The following MANSC1 variants were observed in gnomAD, a reference collection of about 807,000 sequenced individuals.
MANSC1 encodes MANSC domain-containing protein 1.
Under a neutral mutation model 14.1 loss-of-function variants are expected in MANSC1, and 13 were observed. That is an observed-to-expected ratio of 0.92 (90% confidence interval 0.60 to 1.46). MANSC1 has a LOEUF of 1.46. Ranked by LOEUF, MANSC1 falls within the 40% of genes most tolerant of loss-of-function variation. The pLI is 0.00. For missense variants in MANSC1, 486 were observed against 511.4 expected (o/e 0.95, Z 0.48); for synonymous variants, 227 against 200.7 (o/e 1.13, Z -1.11).
In MANSC1 at chr12:12,335,967, G is replaced by A. The variant is rs117004767; in HGVS notation, c.364+2453C>T. Among the ~76,000 whole-genome samples the A allele has an allele frequency of 1.7e-3, 258 of 152,132 alleles. 8 individuals are homozygous for A. The East Asian group carries it at 0.042, about 25-fold the overall frequency. On this transcript the variant is annotated intron_variant, in intron 3 of 3. Coordinates refer to ENST00000535902, the MANE Select transcript of MANSC1 (RefSeq NM_018050.4). ...AGAGGCCGAGGTGGGTGGATTACCCGACATCAGGAGTTCGAGACCAGCCTG... is the reference window on the plus strand; with the variant it reads ...AGAGGCCGAGGTGGGTGGATTACCCAACATCAGGAGTTCGAGACCAGCCTG...
In MANSC1 at chr12:12,337,474, T is replaced by C. The variant is rs1212656422; in HGVS notation, c.364+946A>G. Among the ~76,000 whole-genome samples, 4 of 151,582 alleles carry C rather than the reference T, an allele frequency of 2.6e-5. No individual in the cohort carries two copies. The East Asian group carries it at 5.8e-4, about 22-fold the overall frequency. On this transcript the variant is annotated intron_variant, in intron 3 of 3. Transcript: ENST00000535902. ...TACTCAGGAGGCTGAGGCGGGAGAA[T>C]GGCCTGAACCCGGGAGGCGGAGCTT...
chr12:12,343,083 A>AGGATTG lies in MANSC1; in HGVS notation c.223+8_223+9insCAATCC. The AGGATTG allele has an allele frequency of 6.3e-7, 1 of 1,598,024 alleles. No individual in the cohort carries two copies. The highest frequency in any genetic ancestry group is 1.1e-5 in the South Asian group (1 of 90,688). ...TGGAACAAAGGATTGCCAAGAAACC[A>AGGATTG]CTATTTACCTGATATGTTTTTTGTT... is the stretch of plus-strand genomic sequence containing the variant. On this transcript the variant is annotated intron_variant, in intron 2 of 3. Transcript: ENST00000535902.
chr12:12,349,368 A>G (rs1250048575), intron 1 of MANSC1, among the ~76,000 whole-genome samples: 1 of 152,240 alleles, frequency 6.6e-6, no homozygotes, highest in African/African-American at 2.4e-5. Flanking sequence ...AAGAAACCTG[A>G]ACTATGTAAG....
chr12:12,338,607 A>C, intron 2 of MANSC1, 47 bp from the exon 3 acceptor site: 2 of 1,595,822 alleles, frequency 1.3e-6, no homozygotes, highest in South Asian at 2.3e-5. Flanking sequence ...GCGATTTTCT[A>C]AAGAGTAGGG....
intron 2 of MANSC1, among the ~76,000 whole-genome samples, chr12:12,340,105 C>T (rs1862915255): frequency 6.6e-6 from 1 of 152,160 alleles, no homozygotes; most frequent in African/African-American, 2.4e-5. Context: ...AGCTAATGCA[C>T]CCAGCTGCTG....
intron 2 of MANSC1, among the ~76,000 whole-genome samples, chr12:12,342,584 GT>G (rs760560592): frequency 2.6e-4 from 11 of 41,796 alleles, no homozygotes; most frequent in East Asian, 1.6e-3. Context: ...GTGTTTTTTT[GT>G]TTTTTTTTTT....
At position 12,330,664 on chromosome 12, in the gene MANSC1, G is replaced by A; in HGVS notation, c.659C>T (p.Pro220Leu). The A allele has an allele frequency of 6.2e-7, 1 of 1,614,222 alleles. No homozygotes were observed. Among genetic ancestry groups the A allele is most frequent in the Non-Finnish European group, 8.5e-7 (1 of 1,180,032 alleles). ...AGCTGGGAGCGCACTCACATTTTCA[G>A]GCAGCAGATGAGCTATTTCTTGATC... Reference protein sequence around the residue: ...SSDQEIAHLLPENVSALPATV... With the variant: ...SSDQEIAHLLLENVSALPATV... Residue 220 changes from proline (P) to leucine (L), a missense_variant, in exon 4 of 4, where the codon CCT (proline) becomes CTT (leucine). By Grantham distance (98) the Pro-to-Leu change is moderately conservative (BLOSUM62 -3). Coordinates refer to ENST00000535902, the MANE Select transcript of MANSC1 (RefSeq NM_018050.4).
chr12:12,343,854 G>A (rs1277121140), intron 1 of MANSC1, among the ~76,000 whole-genome samples: 1 of 152,186 alleles, frequency 6.6e-6, no homozygotes, highest in Admixed American at 6.5e-5. Flanking sequence ...GCTCATGCCT[G>A]TAATCTCAGC....
Position 12,338,550 on chromosome 12 carries a change from T to C in MANSC1, c.234A>G (p.Ala78=), listed in dbSNP as rs775450052. The change falls in exon 3 of 4, where the codon GCA becomes GCG. Residue 78 remains alanine, a synonymous_variant. Transcript: ENST00000535902. ...GAGTGTCGAAGATCATCAAGTTACATGCTTTGTCCCCTGCAATGAAAGGTT... is the reference window on the plus strand; with the variant it reads ...GAGTGTCGAAGATCATCAAGTTACACGCTTTGTCCCCTGCAATGAAAGGTT... The part of the protein sequence containing the change: ...CSTKNISGDK[A]CNLMIFDTRK... 6.2e-7 allele frequency: 1 copy of C among 1,611,802 alleles called. No homozygotes were observed. Among genetic ancestry groups the C allele is most frequent in the Non-Finnish European group, 8.5e-7 (1 of 1,179,528 alleles).
chr12:12,338,831 C>A (rs998989879), intron 2 of MANSC1: 8 of 472,772 alleles, frequency 1.7e-5, no homozygotes, highest in Non-Finnish European at 3.1e-5. Context: ...AAAGCCAAAG[C>A]AAAGTCTTTA....
rs1862781537 is a variant in MANSC1 at position 12,330,899 on chromosome 12, A to G, written c.424T>C (p.Leu142=). 1 of 1,611,606 alleles carries G rather than the reference A, an allele frequency of 6.2e-7. No individual in the cohort carries two copies. Among genetic ancestry groups the G allele is most frequent in the Non-Finnish European group, 8.5e-7 (1 of 1,179,206 alleles). The part of the protein sequence containing the change: ...SQELPQEDSL[L]HGQFSQAVTP... ...ACTGCTTGTGAAAATTGGCCATGTA[A>G]GAGAGAATCTTCCTGGGGTAACTCT... is the stretch of plus-strand genomic sequence containing the variant. Residue 142 remains leucine (L), a synonymous_variant, in exon 4 of 4, where the codon TTA becomes CTA. Transcript: ENST00000535902.
intron 2 of MANSC1, among the ~76,000 whole-genome samples, chr12:12,340,106 C>A (rs1862915323): frequency 6.6e-6 from 1 of 152,138 alleles, no homozygotes; most frequent in Non-Finnish European, 1.5e-5. Context: ...GCTAATGCAC[C>A]CAGCTGCTGG....
At chr12:12,348,039 G>C (rs970175471) in intron 1 of MANSC1, 3 of 152,060 alleles carry the variant, frequency 2.0e-5, no homozygotes, top group African/African-American at 7.3e-5. Context: ...CTCCAGCCTG[G>C]GCAACAGAGT....
At chr12:12,331,557 C>G (rs2135988215) in intron 3 of MANSC1, among the ~76,000 whole-genome samples, 1 of 152,232 alleles carries the variant, frequency 6.6e-6, no homozygotes, top group African/African-American at 2.4e-5. Context: ...AGACATGCCA[C>G]CTAAGACTGA....
At chr12:12,347,896 TA>T (rs34822040) in intron 1 of MANSC1, among the ~76,000 whole-genome samples, 2 of 150,632 alleles carry the variant, frequency 1.3e-5, no homozygotes. Context: ...CCATCTCTAC[TA>T]AAAAAAAATA....
At position 12,326,552 on chromosome 12, in the gene MANSC1, G is replaced by A. The variant is rs1218011547; in HGVS notation, c.*3475C>T. ...CAGGCCAGGGGTAATTGAGAAACAG[G>A]CACATAACAGTATTCATCCAGGAGT... On this transcript the variant is annotated 3_prime_UTR_variant, in exon 4 of 4. Coordinates refer to ENST00000535902, the MANE Select transcript of MANSC1 (RefSeq NM_018050.4). The A allele has an allele frequency of 2.6e-5, 4 of 151,942 alleles. No individual in the cohort carries two copies. The highest frequency in any genetic ancestry group is 5.9e-5 in the Non-Finnish European group (4 of 68,014). The allele number at this position is 151,942 out of a possible 1,614,324, so 9.4% of individuals were successfully genotyped here. A position where few individuals can be genotyped will look rare whatever the true frequency, so the allele number is the denominator to read the frequency against.
intron 2 of MANSC1, among the ~76,000 whole-genome samples, chr12:12,340,932 A>C (rs1399476592): frequency 6.6e-6 from 1 of 152,168 alleles, no homozygotes. Flanking sequence ...GCTCAATGAG[A>C]CCATCGAAGG....
intron 1 of MANSC1, among the ~76,000 whole-genome samples, chr12:12,348,717 C>CAA (rs58073340): frequency 0.19 from 26,261 of 134,752 alleles, 2,993 homozygotes; most frequent in East Asian, 0.54. Context: ...AAGGTAAAAC[C>CAA]AAAAAAAAAA....
In MANSC1 at chr12:12,330,385, G is replaced by A. The variant is rs773610627; in HGVS notation, c.938C>T (p.Ser313Leu). The A allele has an allele frequency of 2.0e-5, 33 of 1,614,056 alleles. No individual in the cohort carries two copies. The highest frequency in any genetic ancestry group is 2.7e-5 in the African/African-American group (2 of 74,918). The part of the protein sequence containing the change: ...LTTTFQAPTD[S>L]KGSLETIPFT... ...CGGTATGGTTTCTAAGCTGCCTTTCGAGTCCGTAGGTGCCTGAAAGGTGGT... is the reference window on the plus strand; with the variant it reads ...CGGTATGGTTTCTAAGCTGCCTTTCAAGTCCGTAGGTGCCTGAAAGGTGGT... The change falls in exon 4 of 4, where the codon TCG becomes TTG. Residue 313 changes from serine to leucine, a missense_variant. By Grantham distance (145) the Ser-to-Leu change is moderately radical. Coordinates refer to ENST00000535902, the MANE Select transcript of MANSC1 (RefSeq NM_018050.4).
Sources: gnomAD v4.1 joint callset for allele counts (sites outside exome capture counted in the v4.1 genomes callset) on GRCh38, gnomAD v4.1.1 for gene constraint, MANE v1.5 for transcripts, NCBI Gene and HGNC (gene_info 2026-07-23, HGNC 2026-07-21) for gene names.